The following PML variants were observed in gnomAD, a reference collection of about 807,000 sequenced individuals.
PML encodes PML nuclear body scaffold.
In PML, 28 loss-of-function variants were observed where a neutral mutation model predicts 65.2. The observed-to-expected ratio is 0.43, with a 90% CI of 0.32 to 0.59. The LOEUF (loss-of-function observed/expected upper bound fraction) is 0.59. Ranked by LOEUF, PML falls within the 20% of genes least tolerant of loss-of-function variation. The pLI is 0.08. For missense variants in PML, 1,021 were observed against 1,203.4 expected (o/e 0.85, Z 2.24); for synonymous variants, 500 against 508.8 (o/e 0.98, Z 0.23).
chr15:74,033,879 A>G (rs960660529), intron 6 of PML: 2 of 447,956 alleles, frequency 4.5e-6, no homozygotes, highest in Non-Finnish European at 8.0e-6. Context: ...GTTATCTTCT[A>G]TGAACACTGC....
chr15:74,044,206 T>C lies in PML; in HGVS notation c.1862-15T>C, dbSNP rs747565553. The C allele has an allele frequency of 6.2e-7, 1 of 1,613,462 alleles. No individual in the cohort carries two copies. The highest frequency in any genetic ancestry group is 1.3e-5 in the African/African-American group (1 of 75,028). ...GTGACCCTGGGTCCTCACCCTGCCC[T>C]TCTCTCCTGCCCAGCCCAGAAGATT... On this transcript the variant is annotated splice_polypyrimidine_tract_variant and intron_variant, in intron 8 of 8. Coordinates refer to ENST00000268058, the MANE Select transcript of PML (RefSeq NM_033238.3).
chr15:74,035,641 G>A lies in PML; in HGVS notation c.1710+1111G>A, dbSNP rs200633780. On this transcript the variant is annotated intron_variant, in intron 7 of 8. Transcript: ENST00000268058. The surrounding 1 kb of genome is among the most constrained non-coding windows in gnomAD (Gnocchi z 4.1). ...ATCAGCCCACCCCACCGGATACGAG[G>A]GGCTGTGCGATCCCGCAGCCGCTCC... 34 of 1,613,888 alleles carry A rather than the reference G, an allele frequency of 2.1e-5. No individual in the cohort carries two copies. Among genetic ancestry groups the A allele is most frequent in the Admixed American group, 8.3e-5 (5 of 60,014 alleles).
chr15:74,035,750 G>A lies in PML; in HGVS notation c.1710+1220G>A. ...CCTCCATGGCTTCCCAGCTTGACAT[G>A]TCTTCCGTGGTGGGGGCAGGGGAAA... is the stretch of plus-strand genomic sequence containing the variant. On this transcript the variant is annotated intron_variant, in intron 7 of 8. Coordinates refer to ENST00000268058, the MANE Select transcript of PML (RefSeq NM_033238.3). This position sits in a 1 kb window ranked among gnomAD's most constrained non-coding sequence, Gnocchi z 4.1. 2.5e-6 allele frequency: 4 copies of A among 1,614,102 alleles called. No homozygotes were observed. The highest frequency in any genetic ancestry group is 2.5e-6 in the Non-Finnish European group (3 of 1,180,006).
rs1300475048 is a variant in PML at position 74,022,044 on chromosome 15, G to A, written c.603-784G>A. Reference sequence around the variant, plus strand: ...ACCATCTGGGCTCACCGCAGCCTCCGCCTCCCGGGTTCAAGCAATTCTCCT... The same window carrying A: ...ACCATCTGGGCTCACCGCAGCCTCCACCTCCCGGGTTCAAGCAATTCTCCT... On this transcript the variant is annotated intron_variant, in intron 2 of 8. Coordinates refer to ENST00000268058, the MANE Select transcript of PML (RefSeq NM_033238.3). 2.6e-5 allele frequency among the ~76,000 whole-genome samples: 4 copies of A among 152,138 alleles called. No homozygotes were observed. The East Asian group carries it at 5.8e-4, about 22-fold the overall frequency.
intron 2 of PML, among the ~76,000 whole-genome samples, chr15:74,004,634 A>G (rs1442796803): frequency 2.6e-5 from 4 of 151,984 alleles, no homozygotes; most frequent in Admixed American, 2.0e-4. Context: ...TCTTTTTTCA[A>G]TAATCTTCTA....
At chr15:73,999,179 C>T (rs1448585478) in intron 2 of PML, among the ~76,000 whole-genome samples, 1 of 152,164 alleles carries the variant, frequency 6.6e-6, no homozygotes, top group Non-Finnish European at 1.5e-5. Context: ...TTGAATGTTT[C>T]TTCTGAGAGT....
Position 74,042,397 on chromosome 15 carries a change from G to C in PML, c.1711-592G>C. On this transcript the variant is annotated intron_variant, in intron 7 of 8. Coordinates refer to ENST00000268058, the MANE Select transcript of PML (RefSeq NM_033238.3). This position sits in a 1 kb window ranked among gnomAD's most constrained non-coding sequence, Gnocchi z 5.3. The stretch of plus-strand genomic sequence containing the variant: ...GGACACTGGCACCTCGGCTGACTTC[G>C]GGGACAAGAAAAGGCAGGCTCCCGA... 9 of 985,402 alleles carry C rather than the reference G, an allele frequency of 9.1e-6. No individual in the cohort carries two copies. Among genetic ancestry groups the C allele is most frequent in the Non-Finnish European group, 1.1e-5 (9 of 829,912 alleles). The allele number at this position is 985,402 out of a possible 1,614,324, so 61.0% of individuals were successfully genotyped here.
chr15:74,045,505 T>G lies in PML; in HGVS notation c.*497T>G. 4.2e-6 allele frequency: 1 copy of G among 238,836 alleles called. No homozygotes were observed. Among genetic ancestry groups the G allele is most frequent in the Non-Finnish European group, 8.2e-6 (1 of 121,916 alleles). 14.8% of individuals were successfully genotyped at this position (238,836 alleles called of 1,614,324 possible). A position where few individuals can be genotyped will look rare whatever the true frequency, so the allele number is the denominator to read the frequency against. On this transcript the variant is annotated 3_prime_UTR_variant, in exon 9 of 9. Transcript: ENST00000268058. ...CCAAACCAAACTGCCCCTCATGAGG[T>G]TAGGGTCCCCCACCCTCCACCTGCC...
Position 74,042,683 on chromosome 15 carries a change from C to T in PML, c.1711-306C>T. ...CAGCTCACACTTAACTGTGCATGCA[C>T]ACACAGATTTAGCACTTGGATTCAT... On this transcript the variant is annotated intron_variant, in intron 7 of 8. Transcript: ENST00000268058. The surrounding 1 kb of genome is among the most constrained non-coding windows in gnomAD (Gnocchi z 5.3). 4.1e-6 allele frequency: 4 copies of T among 985,394 alleles called. No homozygotes were observed. Among genetic ancestry groups the T allele is most frequent in the Non-Finnish European group, 4.8e-6 (4 of 829,904 alleles). The allele number at this position is 985,394 out of a possible 1,614,324, so 61.0% of individuals were successfully genotyped here.
chr15:74,032,762 C>A, intron 5 of PML, 47 bp downstream of exon 5: 1 of 1,601,130 alleles, frequency 6.2e-7, no homozygotes, highest in South Asian at 1.1e-5. Context: ...GGCCTGAGTT[C>A]CACCAGGAAA....
chr15:74,035,316 C>T lies in PML; in HGVS notation c.1710+786C>T. The stretch of plus-strand genomic sequence containing the variant: ...CAGCCTGCCCTGTGGCACATACCAC[C>T]CCCCAGCTTGGCCTCCCCACCAGCC... On this transcript the variant is annotated intron_variant, in intron 7 of 8. Coordinates refer to ENST00000268058, the MANE Select transcript of PML (RefSeq NM_033238.3). The surrounding 1 kb of genome is among the most constrained non-coding windows in gnomAD (Gnocchi z 4.1). The T allele has an allele frequency of 1.2e-6, 2 of 1,612,838 alleles. No individual in the cohort carries two copies. Among genetic ancestry groups the T allele is most frequent in the Admixed American group, 1.7e-5 (1 of 60,026 alleles).
In PML at chr15:74,043,863, G is replaced by C; in HGVS notation, c.1862-358G>C. Reference sequence around the variant, plus strand: ...GGATTGGAGGAAGGAGCATGGGATGGAGAGCTAAGTTCAAGCAGCCTGGGA... The same window carrying C: ...GGATTGGAGGAAGGAGCATGGGATGCAGAGCTAAGTTCAAGCAGCCTGGGA... On this transcript the variant is annotated intron_variant, in intron 8 of 8. Transcript: ENST00000268058. The surrounding 1 kb of genome is among the most constrained non-coding windows in gnomAD (Gnocchi z 4.3). 1.9e-6 allele frequency: 1 copy of C among 521,474 alleles called. No individual in the cohort carries two copies. The highest frequency in any genetic ancestry group is 1.6e-5 in the South Asian group (1 of 63,348). 32.3% of individuals were successfully genotyped at this position (521,474 alleles called of 1,614,324 possible).
chr15:74,012,666 C>T (rs2070388002), intron 2 of PML, among the ~76,000 whole-genome samples: 1 of 152,202 alleles, frequency 6.6e-6, no homozygotes, highest in African/African-American at 2.4e-5. Context: ...AACTGAGTCT[C>T]TGCAATGAAA....
chr15:73,995,848 G>C (rs1005256588), intron 1 of PML, among the ~76,000 whole-genome samples: 1 of 152,062 alleles, frequency 6.6e-6, no homozygotes, highest in African/African-American at 2.4e-5. Flanking sequence ...TCCTCCTTCC[G>C]GGTTCACGCC....
Position 74,002,387 on chromosome 15 carries a change from G to A in PML, c.602+3911G>A, listed in dbSNP as rs72745380. The stretch of plus-strand genomic sequence containing the variant: ...TATCCATATATATGTAAGTTCTAGT[G>A]CTTGTGTGTGTGTGTGTATCTCCAC... On this transcript the variant is annotated intron_variant, in intron 2 of 8. Coordinates refer to ENST00000268058, the MANE Select transcript of PML (RefSeq NM_033238.3). Among the ~76,000 whole-genome samples the A allele has an allele frequency of 3.1e-3, 332 of 106,994 alleles. 2 individuals are homozygous for A. The highest frequency in any genetic ancestry group is 4.6e-3 in the Non-Finnish European group (207 of 45,458). The allele number at this position is 106,994 out of a possible 152,430, so 70.2% of individuals were successfully genotyped here.
chr15:74,014,741 G>A (rs2070490951), intron 2 of PML, among the ~76,000 whole-genome samples: 1 of 151,658 alleles, frequency 6.6e-6, no homozygotes, highest in African/African-American at 2.4e-5. Context: ...TAGCCTGGGT[G>A]GCAGAGCGAG....
At chr15:74,024,995 G>C (rs2071008910) in intron 4 of PML, 68 bp downstream of exon 4, 2 of 1,035,490 alleles carry the variant, frequency 1.9e-6, no homozygotes, top group African/African-American at 1.6e-5. Flanking sequence ...TGTGAGTCCT[G>C]CTGTCCCTGT....
In PML at chr15:74,045,514, C is replaced by G. The variant is rs954696411; in HGVS notation, c.*506C>G. On this transcript the variant is annotated 3_prime_UTR_variant, in exon 9 of 9. Transcript: ENST00000268058. The stretch of plus-strand genomic sequence containing the variant: ...ACTGCCCCTCATGAGGTTAGGGTCC[C>G]CCACCCTCCACCTGCCCAGAGGCCA... The G allele has an allele frequency of 3.0e-5, 7 of 237,284 alleles. No individual in the cohort carries two copies. Among genetic ancestry groups the G allele is most frequent in the Non-Finnish European group, 5.0e-5 (6 of 120,932 alleles). 14.7% of individuals were successfully genotyped at this position (237,284 alleles called of 1,614,324 possible). A position where few individuals can be genotyped will look rare whatever the true frequency, so the allele number is the denominator to read the frequency against.
chr15:74,043,339 T>C lies in PML; in HGVS notation c.1861+200T>C. On this transcript the variant is annotated intron_variant, in intron 8 of 8. Transcript: ENST00000268058. The surrounding 1 kb of genome is among the most constrained non-coding windows in gnomAD (Gnocchi z 4.3). The stretch of plus-strand genomic sequence containing the variant: ...GGCTTGAATAAAGATGTCCGCCTTA[T>C]CCAGTGCCTGAGTGTGCGAGAGAGG... 6.9e-7 allele frequency: 1 copy of C among 1,457,276 alleles called. No individual in the cohort carries two copies. Among genetic ancestry groups the C allele is most frequent in the Non-Finnish European group, 9.0e-7 (1 of 1,112,394 alleles). 90.3% of individuals were successfully genotyped at this position (1,457,276 alleles called of 1,614,324 possible).
Sources: gnomAD v4.1 joint callset for allele counts (sites outside exome capture counted in the v4.1 genomes callset) on GRCh38, gnomAD v4.1.1 for gene constraint, Gnocchi (gnomAD v3.1) non-coding constraint, MANE v1.5 for transcripts, NCBI Gene and HGNC (gene_info 2026-07-23, HGNC 2026-07-21) for gene names.